The following MALRD1 variants were observed in gnomAD, a reference collection of about 807,000 sequenced individuals.
The protein encoded by MALRD1 is MAM and LDL receptor class A domain containing 1.
MALRD1 carries 247 observed loss-of-function variants against 242.1 expected under a neutral mutation model. The ratio of observed to expected loss-of-function variants is 1.02; its 90% confidence interval spans 0.92 to 1.13. The LOEUF (loss-of-function observed/expected upper bound fraction) is 1.13, where lower values mean the gene tolerates loss of function less well. Ranked by LOEUF, MALRD1 falls within the 50% of genes most tolerant of loss-of-function variation. The pLI, the probability that MALRD1 is intolerant of heterozygous loss-of-function variation, is 0.00. For synonymous variants in MALRD1, 995 were observed against 866.6 expected (o/e 1.15, Z -2.60); for missense variants, 2,989 against 2,533.1 (o/e 1.18, Z -3.86).
chr10:19,111,653 T>C (rs1046127611), intron 5 of MALRD1, among the ~76,000 whole-genome samples: 5 of 152,260 alleles, frequency 3.3e-5, no homozygotes, highest in African/African-American at 1.2e-4. Context: ...CAACCCTATT[T>C]TTAGGCTTTG....
intron 33 of MALRD1, among the ~76,000 whole-genome samples, chr10:19,589,013 A>C (rs1328330277): frequency 6.6e-6 from 1 of 152,212 alleles, no homozygotes; most frequent in Non-Finnish European, 1.5e-5. Flanking sequence ...TTGTCACATT[A>C]CTTGCACAAT....
At chr10:19,231,192 T>G (rs1275879343) in intron 18 of MALRD1, among the ~76,000 whole-genome samples, 1 of 152,208 alleles carries the variant, frequency 6.6e-6, no homozygotes, top group Non-Finnish European at 1.5e-5. Flanking sequence ...TGCCTCAATT[T>G]AGGCCAACTC....
At position 19,498,621 on chromosome 10, in the gene MALRD1, A is replaced by C; in HGVS notation, c.5295A>C (p.Leu1765Phe). The change falls in exon 31 of 40, where the codon TTA becomes TTC. Residue 1765 changes from leucine to phenylalanine, a missense_variant. By Grantham distance (22) the Leu-to-Phe change is conservative. Coordinates refer to ENST00000454679, the MANE Select transcript of MALRD1 (RefSeq NM_001142308.3). ...AIGSRIPAKA[L>F]IPDSDHTPGS... ...GCAGCAGAATTCCTGCCAAAGCATT[A>C]ATTCCAGACTCTGATCACACGCCAG... The C allele has an allele frequency of 6.5e-7, 1 of 1,550,304 alleles. No individual in the cohort carries two copies. Among genetic ancestry groups the C allele is most frequent in the Non-Finnish European group, 8.7e-7 (1 of 1,146,810 alleles).
intron 36 of MALRD1, among the ~76,000 whole-genome samples, chr10:19,689,103 A>G (rs1309612026): frequency 1.3e-5 from 2 of 152,236 alleles, no homozygotes; most frequent in African/African-American, 2.4e-5. Flanking sequence ...TGTCTGTGAC[A>G]GTTATTTGTA....
chr10:19,506,967 A>T (rs1055599808), intron 31 of MALRD1, among the ~76,000 whole-genome samples: 1 of 152,088 alleles, frequency 6.6e-6, no homozygotes, highest in East Asian at 1.9e-4. Context: ...AATAGTGCCA[A>T]CATCTGCTTG....
chr10:19,724,885 G>A (rs990116739), intron 38 of MALRD1: 9 of 152,078 alleles, frequency 5.9e-5, no homozygotes, highest in African/African-American at 1.9e-4. Context: ...AAGTTACAAG[G>A]TATAAGAGCA....
chr10:19,282,417 T>C (rs1307936998), intron 20 of MALRD1, among the ~76,000 whole-genome samples: 2 of 152,216 alleles, frequency 1.3e-5, no homozygotes, highest in South Asian at 2.1e-4. Context: ...TGAATGAATA[T>C]TTCTTTTTTA....
chr10:19,087,253 G>A (rs1260064972), intron 2 of MALRD1, among the ~76,000 whole-genome samples: 5 of 151,966 alleles, frequency 3.3e-5, no homozygotes, highest in East Asian at 1.9e-4. Flanking sequence ...TAATGTTTTC[G>A]CTAGATAGCA....
chr10:19,473,471 C>T (rs974781835), intron 29 of MALRD1, among the ~76,000 whole-genome samples: 3 of 151,248 alleles, frequency 2.0e-5, no homozygotes, highest in African/African-American at 7.4e-5. Context: ...TTGACAATAA[C>T]GCATCATTTT....
At chr10:19,226,759 A>G (rs949000389) in intron 18 of MALRD1, among the ~76,000 whole-genome samples, 3 of 152,110 alleles carry the variant, frequency 2.0e-5, no homozygotes, top group African/African-American at 7.2e-5. Flanking sequence ...ATGTAAACAT[A>G]TACATAGAAA....
chr10:19,078,621 G>A (rs1018939195), intron 2 of MALRD1, among the ~76,000 whole-genome samples: 7 of 151,630 alleles, frequency 4.6e-5, no homozygotes, highest in Admixed American at 2.0e-4. Flanking sequence ...TAAATGTTTC[G>A]TATAATTTAC....
At chr10:19,260,051 G>C (rs1184494188) in intron 19 of MALRD1, among the ~76,000 whole-genome samples, 3 of 152,110 alleles carry the variant, frequency 2.0e-5, no homozygotes, top group African/African-American at 7.2e-5. Context: ...GGATAAGTAG[G>C]TAGAGGAATG....
intron 29 of MALRD1, among the ~76,000 whole-genome samples, chr10:19,454,725 C>G (rs1395011950): frequency 7.2e-6 from 1 of 139,020 alleles, no homozygotes; most frequent in Non-Finnish European, 1.6e-5. Context: ...CACACACACA[C>G]ACACACACAC....
At chr10:19,400,884 C>T (rs1271719007) in intron 28 of MALRD1, among the ~76,000 whole-genome samples, 1 of 151,990 alleles carries the variant, frequency 6.6e-6, no homozygotes, top group African/African-American at 2.4e-5. Context: ...GGCGTGGTGG[C>T]ACGTTCCTGT....
At chr10:19,455,935 C>A (rs1835625002) in intron 29 of MALRD1, among the ~76,000 whole-genome samples, 3 of 152,086 alleles carry the variant, frequency 2.0e-5, no homozygotes, top group Admixed American at 2.0e-4. Flanking sequence ...CCAGTGTGTT[C>A]CCCTCCATGT....
chr10:19,637,287 GAAAC>G (rs916434314), intron 36 of MALRD1, among the ~76,000 whole-genome samples: 3 of 151,862 alleles, frequency 2.0e-5, no homozygotes, highest in Admixed American at 6.6e-5. Flanking sequence ...ACCTATTTCA[GAAAC>G]AAACAAACAA....
chr10:19,391,830 G>T (rs1368648855), intron 28 of MALRD1, among the ~76,000 whole-genome samples: 1 of 152,190 alleles, frequency 6.6e-6, no homozygotes, highest in Non-Finnish European at 1.5e-5. Context: ...TGAAGTTTTA[G>T]GCTTCAAGTG....
intron 4 of MALRD1, among the ~76,000 whole-genome samples, chr10:19,101,860 C>T (rs889424943): frequency 1.5e-4 from 20 of 134,154 alleles, no homozygotes; most frequent in Admixed American, 7.1e-4. Context: ...ATATCTATAA[C>T]GTATTTGTAT....
chr10:19,162,163 G>C (rs1217102486), intron 12 of MALRD1, among the ~76,000 whole-genome samples: 1 of 152,072 alleles, frequency 6.6e-6, no homozygotes, highest in Admixed American at 6.5e-5. Context: ...TTGTAGTTAT[G>C]CTCATTATAA....
Sources: allele counts gnomAD v4.1 joint callset (sites outside exome capture counted in the v4.1 genomes callset), GRCh38; gene constraint gnomAD v4.1.1; transcripts MANE v1.5; gene names NCBI Gene and HGNC (gene_info 2026-07-23, HGNC 2026-07-21).